Variants in SAMD12 observed in about 807,000 individuals in gnomAD.
SAMD12 encodes the protein sterile alpha motif domain-containing protein 12.
In SAMD12, 9 loss-of-function variants were observed where a neutral mutation model predicts 15.0. The observed-to-expected ratio is 0.60, with a 90% CI of 0.36 to 1.05. The LOEUF (loss-of-function observed/expected upper bound fraction) is 1.05. Ranked by LOEUF, SAMD12 falls within the 50% of genes least tolerant of loss-of-function variation. The probability of loss-of-function intolerance (pLI) is 0.01; values close to 1 mark genes in which losing one functional copy is unlikely to be tolerated. For missense variants in SAMD12, 230 were observed against 234.2 expected (o/e 0.98, Z 0.12); for synonymous variants, 86 against 90.1 (o/e 0.96, Z 0.25).
intron 2 of SAMD12, among the ~76,000 whole-genome samples, chr8:118,486,954 T>C (rs1401233519): frequency 6.6e-6 from 1 of 152,088 alleles, no homozygotes; most frequent in African/African-American, 2.4e-5. Context: ...CCAATAGAGG[T>C]GAAGTAAGGG....
exon 5 of SAMD12, chr8:118,190,418 T>C (rs765114564): frequency 5.3e-5 from 8 of 152,172 alleles, no homozygotes; most frequent in Non-Finnish European, 7.3e-5. Flanking sequence ...TGGTAGATCA[T>C]GGAGCTCTAA....
chr8:118,215,815 T>C (rs1298736663), intron 4 of SAMD12, among the ~76,000 whole-genome samples: 10 of 152,212 alleles, frequency 6.6e-5, no homozygotes, highest in Admixed American at 2.6e-4. Flanking sequence ...TATGGCTGCA[T>C]AGTATTCCAT....
At chr8:118,240,441 A>T (rs1812538966) in intron 4 of SAMD12, among the ~76,000 whole-genome samples, 1 of 152,184 alleles carries the variant, frequency 6.6e-6, no homozygotes, top group Non-Finnish European at 1.5e-5. Flanking sequence ...TTGGAGTCAG[A>T]CAGTTCTGGA....
intron 4 of SAMD12, among the ~76,000 whole-genome samples, chr8:118,244,133 G>A (rs2129981500): frequency 6.6e-6 from 1 of 152,168 alleles, no homozygotes; most frequent in East Asian, 1.9e-4. Flanking sequence ...TTTGATCCCT[G>A]ATTTACTTCA....
intron 3 of SAMD12, among the ~76,000 whole-genome samples, chr8:118,401,426 T>C (rs1820863949): frequency 6.6e-6 from 1 of 152,170 alleles, no homozygotes; most frequent in Non-Finnish European, 1.5e-5. Context: ...TCACTCAGAC[T>C]GTAGTGCAAT....
chr8:118,340,157 G>A (rs1048426995), intron 4 of SAMD12, among the ~76,000 whole-genome samples: 2 of 152,154 alleles, frequency 1.3e-5, no homozygotes, highest in African/African-American at 4.8e-5. Flanking sequence ...GTATTGCCAT[G>A]GAATAAATTT....
At chr8:118,303,710 G>C (rs553563207) in intron 4 of SAMD12, among the ~76,000 whole-genome samples, 2 of 151,786 alleles carry the variant, frequency 1.3e-5, no homozygotes, top group East Asian at 3.9e-4. Flanking sequence ...TTAACATGGC[G>C]TTTTGTTTAC....
intron 2 of SAMD12, among the ~76,000 whole-genome samples, chr8:118,534,554 A>T (rs1214783502): frequency 1.3e-5 from 2 of 151,996 alleles, no homozygotes; most frequent in African/African-American, 2.4e-5. Context: ...ACTTGGTTCC[A>T]TTCTCCCTGT....
intron 2 of SAMD12, among the ~76,000 whole-genome samples, chr8:118,530,400 C>T (rs1052516270): frequency 6.6e-6 from 1 of 152,162 alleles, no homozygotes; most frequent in Admixed American, 6.5e-5. Flanking sequence ...GCCCCAGTGT[C>T]TATTGTTTCC....
chr8:118,196,624 G>T (rs1430164743), exon 5 of SAMD12: 1 of 152,142 alleles, frequency 6.6e-6, no homozygotes, highest in African/African-American at 2.4e-5. Flanking sequence ...GGCACATAGT[G>T]GGGTCACTTG....
intron 1 of SAMD12, among the ~76,000 whole-genome samples, chr8:118,615,315 C>T (rs1044964204): frequency 1.1e-4 from 17 of 152,178 alleles, no homozygotes; most frequent in Admixed American, 4.6e-4. Context: ...AGACCTCCCA[C>T]GTCATGGTGC....
At chr8:118,291,016 T>C (rs1282462229) in intron 4 of SAMD12, among the ~76,000 whole-genome samples, 1 of 152,214 alleles carries the variant, frequency 6.6e-6, no homozygotes, top group African/African-American at 2.4e-5. Context: ...ACTGGCCTAA[T>C]TATTCTCATA....
chr8:118,449,743 G>A (rs1425853042), intron 2 of SAMD12, among the ~76,000 whole-genome samples: 1 of 139,356 alleles, frequency 7.2e-6, no homozygotes, highest in African/African-American at 2.6e-5. Flanking sequence ...AGAGCTTGCA[G>A]TGAGCAGAGA....
intron 3 of SAMD12, among the ~76,000 whole-genome samples, chr8:118,386,701 G>A (rs1018980662): frequency 1.4e-4 from 22 of 152,156 alleles, no homozygotes; most frequent in Non-Finnish European, 1.5e-5. Flanking sequence ...CCATGTCTCC[G>A]ACTTTCAAGC....
At chr8:118,556,189 G>A (rs1435165690) in intron 2 of SAMD12, among the ~76,000 whole-genome samples, 1 of 152,134 alleles carries the variant, frequency 6.6e-6, no homozygotes, top group Non-Finnish European at 1.5e-5. Flanking sequence ...ATCAACCAGT[G>A]ACCTTAATAA....
At chr8:118,452,710 A>G (rs1823119612) in intron 2 of SAMD12, among the ~76,000 whole-genome samples, 1 of 152,206 alleles carries the variant, frequency 6.6e-6, no homozygotes, top group African/African-American at 2.4e-5. Flanking sequence ...AAGTATGCAC[A>G]TGGTTTTAAA....
At chr8:118,305,265 T>C (rs1815281147) in intron 4 of SAMD12, among the ~76,000 whole-genome samples, 1 of 149,338 alleles carries the variant, frequency 6.7e-6, no homozygotes, top group African/African-American at 2.5e-5. Context: ...AAGTAGAAAC[T>C]CTGAACCTGT....
At chr8:118,270,844 G>T (rs1813338777) in intron 4 of SAMD12, among the ~76,000 whole-genome samples, 1 of 152,124 alleles carries the variant, frequency 6.6e-6, no homozygotes, top group Non-Finnish European at 1.5e-5. Context: ...CAGTGAGAAA[G>T]AATGCATAGC....
chr8:118,561,234 T>C (rs1826691016), intron 2 of SAMD12, among the ~76,000 whole-genome samples: 1 of 152,222 alleles, frequency 6.6e-6, no homozygotes, highest in Non-Finnish European at 1.5e-5. Context: ...TTGAAACTTT[T>C]GATAATGTAT....
Sources: gnomAD v4.1 joint callset for allele counts (sites outside exome capture counted in the v4.1 genomes callset) on GRCh38, gnomAD v4.1.1 for gene constraint, MANE v1.5 for transcripts, NCBI Gene and HGNC (gene_info 2026-07-23, HGNC 2026-07-21) for gene names.